Variants in FLNB observed in about 807,000 individuals in gnomAD.
The protein encoded by FLNB is filamin-B.
FLNB carries 111 observed loss-of-function variants against 250.6 expected under a neutral mutation model. The ratio of observed to expected loss-of-function variants is 0.44; its 90% CI spans 0.38 to 0.52. The LOEUF (loss-of-function observed/expected upper bound fraction) is 0.52. Ranked by LOEUF, FLNB falls within the 20% of genes least tolerant of loss-of-function variation. FLNB has a pLI of 0.00. For missense variants in FLNB, 2,869 were observed against 3,447.8 expected (o/e 0.83, Z 4.20); for synonymous variants, 1,302 against 1,372.1 (o/e 0.95, Z 1.13).
chr3:58,027,322 CTT>C (rs5849231), intron 1 of FLNB, among the ~76,000 whole-genome samples: 313 of 146,934 alleles, frequency 2.1e-3, no homozygotes, highest in African/African-American at 3.4e-3. Context: ...CCAGCTAATT[CTT>C]TTTTTTTTTT....
intron 22 of FLNB, 102 bp from the exon 23 acceptor site, chr3:58,125,479 A>C: frequency 7.5e-7 from 1 of 1,330,652 alleles, no homozygotes. Flanking sequence ...ATAGTATAGC[A>C]TGCAGACTTC....
intron 43 of FLNB, among the ~76,000 whole-genome samples, chr3:58,167,570 T>C (rs2097372886): frequency 6.6e-6 from 1 of 152,202 alleles, no homozygotes; most frequent in Admixed American, 6.5e-5. Flanking sequence ...GCGCCAGACC[T>C]GATGACTGAA....
intron 13 of FLNB, among the ~76,000 whole-genome samples, 195 bp downstream of exon 13, chr3:58,108,766 C>T (rs542108937): frequency 6.6e-6 from 1 of 152,236 alleles, no homozygotes; most frequent in South Asian, 2.1e-4. Flanking sequence ...AAAAAATCAG[C>T]TTTCTGATTT....
chr3:58,113,946 G>A (rs901140224), intron 18 of FLNB, among the ~76,000 whole-genome samples: 6 of 151,986 alleles, frequency 3.9e-5, no homozygotes, highest in Non-Finnish European at 7.4e-5. Flanking sequence ...CCAAACCTGC[G>A]GATATTACAG....
intron 9 of FLNB, 125 bp from the exon 10 acceptor site, chr3:58,103,834 G>T: frequency 1.8e-6 from 2 of 1,138,238 alleles, no homozygotes; most frequent in Non-Finnish European, 2.7e-6. Context: ...CTCTGGGGCA[G>T]CCCACTTGGT....
At chr3:58,016,749 A>G (rs555926613) in intron 1 of FLNB, among the ~76,000 whole-genome samples, 6 of 151,994 alleles carry the variant, frequency 3.9e-5, no homozygotes, top group African/African-American at 1.4e-4. Flanking sequence ...ATCTTTGAGT[A>G]TTCTAAATTA....
rs948896228 is a variant in FLNB, at chr3:58,096,159, A to G, written c.925A>G (p.Ser309Gly). 6.2e-7 allele frequency: 1 copy of G among 1,613,946 alleles called. No individual in the cohort carries two copies. Among genetic ancestry groups the G allele is most frequent in the Non-Finnish European group, 8.5e-7 (1 of 1,179,892 alleles). Reference sequence around the variant, plus strand: ...CTCCTAGGCACAAGTGACCCCTGACAGTGACAAGAACAAGACATACTCTGT... The same window carrying G: ...CTCCTAGGCACAAGTGACCCCTGACGGTGACAAGAACAAGACATACTCTGT... ...NKEEAQVTPD[S>G]DKNKTYSVEY... The change falls in exon 6 of 46, where the codon AGT (serine) becomes GGT (glycine). Residue 309 changes from serine (S) to glycine (G), a missense_variant. By Grantham distance (56) the Ser-to-Gly change is moderately conservative. Transcript: ENST00000295956.
At chr3:58,008,881 C>A in intron 1 of FLNB, 25 bp downstream of exon 1, 2 of 1,613,086 alleles carry the variant, frequency 1.2e-6, no homozygotes, top group South Asian at 1.1e-5. Flanking sequence ...CGGGCCCAGG[C>A]GCCCACTGTG....
At chr3:58,042,710 G>A (rs1186778603) in intron 1 of FLNB, among the ~76,000 whole-genome samples, 1 of 151,914 alleles carries the variant, frequency 6.6e-6, no homozygotes, top group Admixed American at 6.6e-5. Flanking sequence ...GTAGAGGCGG[G>A]GTTTTGCCAT....
At chr3:58,132,146 C>T in intron 25 of FLNB, 1 of 686,992 alleles carries the variant, frequency 1.5e-6, no homozygotes, top group Non-Finnish European at 2.6e-6. Context: ...GATTAACCTA[C>T]CCTGGAGTTG....
chr3:58,009,980 G>A (rs1240948644), intron 1 of FLNB, among the ~76,000 whole-genome samples: 1 of 152,322 alleles, frequency 6.6e-6, no homozygotes, highest in East Asian at 1.9e-4. Flanking sequence ...GCATGTGGGC[G>A]TTTGTGCAGA....
At chr3:58,022,861 A>G (rs2097116020) in intron 1 of FLNB, among the ~76,000 whole-genome samples, 1 of 151,256 alleles carries the variant, frequency 6.6e-6, no homozygotes, top group Non-Finnish European at 1.5e-5. Flanking sequence ...TGTGTCTCCC[A>G]GGCTGGAGTA....
chr3:58,075,468 C>G (rs1576674465), intron 1 of FLNB, among the ~76,000 whole-genome samples: 1 of 152,160 alleles, frequency 6.6e-6, no homozygotes, highest in East Asian at 1.9e-4. Context: ...AGTCCAGGAA[C>G]AAGGAGTCTT....
At chr3:58,108,708 G>A (rs2097263638) in intron 13 of FLNB, 137 bp downstream of exon 13, 1 of 676,972 alleles carries the variant, frequency 1.5e-6, no homozygotes, top group African/African-American at 1.8e-5. Context: ...TATCTTATAG[G>A]GTTATGTGAG....
chr3:58,109,170 T>G lies in FLNB; in HGVS notation c.2056-9T>G, dbSNP rs772991090. On this transcript the variant is annotated splice_polypyrimidine_tract_variant and intron_variant, in intron 13 of 45. Coordinates refer to ENST00000295956, the MANE Select transcript of FLNB (RefSeq NM_001457.4). Reference sequence around the variant, plus strand: ...GCCACCTCTGGTCCTAGCTCTGGCTTTTTTGCAGGATGGGGAAGGCCAACG... The same window carrying G: ...GCCACCTCTGGTCCTAGCTCTGGCTGTTTTGCAGGATGGGGAAGGCCAACG... The G allele has an allele frequency of 6.2e-7, 1 of 1,614,028 alleles. No homozygotes were observed. Among genetic ancestry groups the G allele is most frequent in the African/African-American group, 1.3e-5 (1 of 74,920 alleles).
chr3:58,116,923 A>G (rs2097279119), intron 18 of FLNB, among the ~76,000 whole-genome samples: 1 of 152,196 alleles, frequency 6.6e-6, no homozygotes, highest in Non-Finnish European at 1.5e-5. Flanking sequence ...AGACCCTCAC[A>G]GAGTAACAGC....
Position 58,168,322 on chromosome 3 carries a change from A to T in FLNB, c.7199-118A>T, listed in dbSNP as rs919030381. 19 of 815,040 alleles carry T rather than the reference A, an allele frequency of 2.3e-5. No individual in the cohort carries two copies. In the Admixed American group the frequency reaches 3.6e-4, roughly 15 times the overall value. 50.5% of individuals were successfully genotyped at this position (815,040 alleles called of 1,614,324 possible). A position where few individuals can be genotyped will look rare whatever the true frequency, so the allele number is the denominator to read the frequency against. On this transcript the variant is annotated intron_variant, in intron 43 of 45. Coordinates refer to ENST00000295956, the MANE Select transcript of FLNB (RefSeq NM_001457.4). ...TCAGAGCTAGTGCCAGTGGGTTCCCATGCCACCAGGGTGAGCCCTCTGTAA... is the reference window on the plus strand; with the variant it reads ...TCAGAGCTAGTGCCAGTGGGTTCCCTTGCCACCAGGGTGAGCCCTCTGTAA...
intron 19 of FLNB, among the ~76,000 whole-genome samples, chr3:58,120,665 C>G (rs1386701494): frequency 2.0e-5 from 3 of 152,100 alleles, no homozygotes; most frequent in Non-Finnish European, 4.4e-5. Context: ...GGAGGGGTGC[C>G]TATAAGATGG....
intron 1 of FLNB, among the ~76,000 whole-genome samples, chr3:58,010,094 GTATGGGTGTGTGTA>G (rs2097096290): frequency 7.3e-6 from 1 of 137,522 alleles, no homozygotes; most frequent in African/African-American, 2.6e-5. Context: ...CTACACGTGT[GTATGGGTGTGTGTA>G]TGTGTGTGTG....
Sources: gnomAD v4.1 joint callset for allele counts (sites outside exome capture counted in the v4.1 genomes callset) on GRCh38, gnomAD v4.1.1 for gene constraint, MANE v1.5 for transcripts, NCBI Gene and HGNC (gene_info 2026-07-23, HGNC 2026-07-21) for gene names.